The following MCTP1 variants were observed in gnomAD, a reference collection of about 807,000 sequenced individuals.
MCTP1 encodes multiple C2 and transmembrane domain-containing protein 1.
MCTP1 carries 69 observed loss-of-function variants against 120.6 expected under a neutral mutation model. The observed-to-expected ratio is 0.57, with a 90% CI of 0.47 to 0.70. The LOEUF (loss-of-function observed/expected upper bound fraction) is 0.70. Ranked by LOEUF, MCTP1 falls within the 30% of genes least tolerant of loss-of-function variation. The pLI is 0.00. For missense variants in MCTP1, 1,203 were observed against 1,248.8 expected (o/e 0.96, Z 0.55); for synonymous variants, 529 against 493.1 (o/e 1.07, Z -0.96).
chr5:94,917,157 G>A (rs996743179), intron 8 of MCTP1, among the ~76,000 whole-genome samples: 5 of 151,706 alleles, frequency 3.3e-5, no homozygotes, highest in African/African-American at 9.7e-5. Context: ...CATATTTATT[G>A]AAGTGTTGCT....
chr5:95,265,188 G>A (rs962517507), intron 1 of MCTP1, among the ~76,000 whole-genome samples: 12 of 152,146 alleles, frequency 7.9e-5, no homozygotes, highest in African/African-American at 2.9e-4. Context: ...GGCAGGACAT[G>A]AGGAGTCAGC....
At chr5:95,012,925 C>T (rs947418658) in intron 2 of MCTP1, among the ~76,000 whole-genome samples, 1 of 152,106 alleles carries the variant, frequency 6.6e-6, no homozygotes, top group Non-Finnish European at 1.5e-5. Context: ...AATGATTAAA[C>T]TTAGTGACAA....
chr5:94,834,001 C>T (rs1263100696), intron 17 of MCTP1, among the ~76,000 whole-genome samples: 3 of 152,208 alleles, frequency 2.0e-5, no homozygotes, highest in Non-Finnish European at 2.9e-5. Context: ...GTTATTTATG[C>T]TCATGTACCA....
chr5:95,123,651 CTTT>C (rs67736041), intron 1 of MCTP1, among the ~76,000 whole-genome samples: 22 of 145,438 alleles, frequency 1.5e-4, no homozygotes, highest in Middle Eastern at 3.5e-3. Context: ...ACAAGCTCTG[CTTT>C]TTTTTTTTTT....
chr5:94,870,464 G>T lies in MCTP1; in HGVS notation c.2269C>A (p.Pro757Thr). ...TCTTCAATGTACTTCTGTTCTTTGG[G>T]TATTAATGTTCGTAAGCTGGCTTTC... Reference protein sequence around the residue: ...AVKASLRTLIPKEQKYIEEEN... With the variant: ...AVKASLRTLITKEQKYIEEEN... The change falls in exon 16 of 23, where the codon CCC (proline) becomes ACC (threonine). Residue 757 changes from proline (P) to threonine (T), a missense_variant. Pro to Thr is a conservative substitution (Grantham distance 38). Transcript: ENST00000515393. 1.2e-6 allele frequency: 2 copies of T among 1,611,828 alleles called. No individual in the cohort carries two copies. The highest frequency in any genetic ancestry group is 2.2e-5 in the South Asian group (2 of 91,028).
chr5:95,045,746 T>A (rs1247107700), intron 1 of MCTP1, among the ~76,000 whole-genome samples: 1 of 152,170 alleles, frequency 6.6e-6, no homozygotes, highest in Non-Finnish European at 1.5e-5. Flanking sequence ...ACATGTGATA[T>A]ATGGTTACAT....
At chr5:94,918,602 A>T (rs1380102855) in intron 7 of MCTP1, among the ~76,000 whole-genome samples, 1 of 152,096 alleles carries the variant, frequency 6.6e-6, no homozygotes, top group Non-Finnish European at 1.5e-5. Context: ...CTGAACAGGA[A>T]CTCCTGGGGG....
chr5:94,829,060 G>A (rs76836645), intron 17 of MCTP1, among the ~76,000 whole-genome samples: 1,821 of 152,246 alleles, frequency 0.012, 20 homozygotes, highest in Non-Finnish European at 0.019. Context: ...CCAAATGGCC[G>A]CCTAGTTTTG....
chr5:94,870,929 C>T lies in MCTP1; in HGVS notation c.2184G>A (p.Gln728=). The T allele has an allele frequency of 1.2e-6, 2 of 1,613,194 alleles. No individual in the cohort carries two copies. The highest frequency in any genetic ancestry group is 1.7e-6 in the Non-Finnish European group (2 of 1,179,460). The stretch of plus-strand genomic sequence containing the variant: ...TGACCCCCTTTGTTGGCCCTGTCAG[C>T]TGCTTGTTTTTCAAGACGTAGGCTT... ...EQKAYVLKNK[Q]LTGPTKGVIY... The change falls in exon 15 of 23, where the codon CAG becomes CAA. Residue 728 remains glutamine, a synonymous_variant. Transcript: ENST00000515393.
intron 17 of MCTP1, among the ~76,000 whole-genome samples, chr5:94,830,935 C>A (rs918673120): frequency 6.6e-6 from 1 of 152,140 alleles, no homozygotes; most frequent in African/African-American, 2.4e-5. Context: ...ATGGCCCAAA[C>A]AATCATGCAG....
At chr5:95,209,911 G>T (rs1357354025) in intron 1 of MCTP1, among the ~76,000 whole-genome samples, 2 of 152,128 alleles carry the variant, frequency 1.3e-5, no homozygotes, top group East Asian at 1.9e-4. Flanking sequence ...CTTTATTTCT[G>T]CCTTCATTTC....
At chr5:95,206,784 C>T (rs970066406) in intron 1 of MCTP1, among the ~76,000 whole-genome samples, 5 of 152,168 alleles carry the variant, frequency 3.3e-5, no homozygotes, top group African/African-American at 1.2e-4. Flanking sequence ...GATCCACCCC[C>T]CTCGGCCTCC....
chr5:95,241,974 G>T (rs961036889), intron 1 of MCTP1, among the ~76,000 whole-genome samples: 1 of 152,120 alleles, frequency 6.6e-6, no homozygotes, highest in Non-Finnish European at 1.5e-5. Context: ...AATATAAAAT[G>T]AGTATAAAGT....
chr5:94,915,663 T>C (rs772000463), intron 8 of MCTP1, among the ~76,000 whole-genome samples: 3 of 152,090 alleles, frequency 2.0e-5, no homozygotes, highest in Non-Finnish European at 4.4e-5. Flanking sequence ...TTTTGTTTTC[T>C]GGTTTTTTTG....
intron 1 of MCTP1, among the ~76,000 whole-genome samples, chr5:95,165,784 T>C (rs1746263377): frequency 6.6e-6 from 1 of 152,226 alleles, no homozygotes; most frequent in Non-Finnish European, 1.5e-5. Context: ...GTCATGTCTT[T>C]GGAACATTCT....
At position 95,207,925 on chromosome 5, in the gene MCTP1, G is replaced by A. The variant is rs190419449; in HGVS notation, c.720+75931C>T. On this transcript the variant is annotated intron_variant, in intron 1 of 22. Transcript: ENST00000515393. ...ATCCAAAATGAAAAAAAGAATGAGC[G>A]GGCGAGAGAGAGAGAGAGAGAGGGA... 4.1e-3 allele frequency among the ~76,000 whole-genome samples: 475 copies of A among 116,120 alleles called. 3 individuals are homozygous for A. The highest frequency in any genetic ancestry group is 0.014 in the African/African-American group (444 of 32,390). The allele number at this position is 116,120 out of a possible 152,430, so 76.2% of individuals were successfully genotyped here.
chr5:94,976,529 TTTGA>T (rs985520326), intron 2 of MCTP1, among the ~76,000 whole-genome samples: 11 of 152,070 alleles, frequency 7.2e-5, no homozygotes, highest in Admixed American at 2.0e-4. Context: ...GAGTTTTTTA[TTTGA>T]TTGATTGATT....
chr5:95,037,364 G>A (rs1841524377), intron 1 of MCTP1, among the ~76,000 whole-genome samples: 2 of 152,150 alleles, frequency 1.3e-5, no homozygotes, highest in Admixed American at 1.3e-4. Flanking sequence ...AAAGTAGGAT[G>A]CAAAACTGCA....
Position 94,771,610 on chromosome 5 carries a change from A to G in MCTP1, c.2610+7500T>C, listed in dbSNP as rs796573565. On this transcript the variant is annotated intron_variant, in intron 19 of 22. Coordinates refer to ENST00000515393, the MANE Select transcript of MCTP1 (RefSeq NM_024717.7). ...TGGATAAAAATATTTGCTTTGTTAG[A>G]TACTGTTTTCAGTTTTCATATTATA... 1.2e-4 allele frequency among the ~76,000 whole-genome samples: 19 copies of G among 152,320 alleles called. 1 individual carries two copies. Among genetic ancestry groups the G allele is most frequent in the African/African-American group, 4.1e-4 (17 of 41,582 alleles).
Sources: allele counts gnomAD v4.1 joint callset (sites outside exome capture counted in the v4.1 genomes callset), GRCh38; gene constraint gnomAD v4.1.1; transcripts MANE v1.5; gene names NCBI Gene and HGNC (gene_info 2026-07-23, HGNC 2026-07-21).